KLHL20: variants seen among roughly 807,000 people sequenced by gnomAD.
KLHL20 encodes kelch-like protein 20.
KLHL20 carries 29 observed loss-of-function variants against 69.5 expected under a neutral mutation model. The observed-to-expected ratio is 0.42, with a 90% CI of 0.31 to 0.57. KLHL20 has a LOEUF of 0.57. KLHL20 is among the 20% of genes least tolerant of loss of function. The probability of loss-of-function intolerance (pLI) is 0.18; values close to 1 mark genes in which losing one functional copy is unlikely to be tolerated. For missense variants in KLHL20, 419 were observed against 776.0 expected (o/e 0.54, Z 5.47); for synonymous variants, 253 against 265.2 (o/e 0.95, Z 0.45).
intron 5 of KLHL20, among the ~76,000 whole-genome samples, chr1:173,753,787 T>G (rs565815665): frequency 6.6e-6 from 1 of 152,300 alleles, no homozygotes; most frequent in South Asian, 2.1e-4. Context: ...TCACTAAAAC[T>G]AGGTGAAGCA....
At chr1:173,764,600 T>C (rs1647560375) in intron 7 of KLHL20, among the ~76,000 whole-genome samples, 1 of 152,208 alleles carries the variant, frequency 6.6e-6, no homozygotes, top group African/African-American at 2.4e-5. Flanking sequence ...TTAGAGACTA[T>C]TATTCTAAGC....
intron 6 of KLHL20, among the ~76,000 whole-genome samples, chr1:173,756,538 A>G (rs533350621): frequency 6.6e-6 from 1 of 152,324 alleles, no homozygotes; most frequent in East Asian, 1.9e-4. Context: ...CTCAAAAAAT[A>G]AAAAATAAAA....
At chr1:173,742,582 A>T (rs879494328) in intron 3 of KLHL20, among the ~76,000 whole-genome samples, 3 of 151,854 alleles carry the variant, frequency 2.0e-5, no homozygotes, top group Admixed American at 1.3e-4. Context: ...AAAGGAAGAG[A>T]TTATTTTAAG....
At chr1:173,716,115 A>G in intron 2 of KLHL20, 49 bp downstream of exon 2, 1 of 1,578,416 alleles carries the variant, frequency 6.3e-7, no homozygotes, top group Non-Finnish European at 8.7e-7. Flanking sequence ...AAAATTCAGC[A>G]TGTAATAATT....
chr1:173,780,947 C>T (rs1003805535), intron 10 of KLHL20, among the ~76,000 whole-genome samples: 7 of 149,824 alleles, frequency 4.7e-5, no homozygotes, highest in Non-Finnish European at 8.9e-5. Flanking sequence ...ATCTGTGATC[C>T]TGCCACTGCA....
chr1:173,746,923 A>G (rs994768984), intron 3 of KLHL20, among the ~76,000 whole-genome samples: 6 of 141,854 alleles, frequency 4.2e-5, no homozygotes, highest in Non-Finnish European at 9.7e-5. Flanking sequence ...TTAGTGCTTC[A>G]TTATCATTGT....
Position 173,755,053 on chromosome 1 carries a change from C to CT in KLHL20, c.852-867dup, listed in dbSNP as rs199813765. ...TAACAAGCTATTAGGAGATCAAAGT[C>CT]TTTGTCTTTTTTTTTTTTTTTTTTG... is the stretch of plus-strand genomic sequence containing the variant. On this transcript the variant is annotated intron_variant, in intron 5 of 11. Coordinates refer to ENST00000209884, the MANE Select transcript of KLHL20 (RefSeq NM_014458.4). Among the ~76,000 whole-genome samples, 1,141 of 143,220 alleles carry CT rather than the reference C, an allele frequency of 8.0e-3. 17 individuals carry two copies. The highest frequency in any genetic ancestry group is 0.028 in the African/African-American group (1,089 of 38,346). 94.0% of individuals were successfully genotyped at this position (143,220 alleles called of 152,430 possible).
In KLHL20 at chr1:173,733,866, CCTT is replaced by C. The variant is rs1672404748; in HGVS notation, c.180_182del (p.Leu61del). On this transcript the variant is annotated inframe_deletion, in exon 3 of 12. Transcript: ENST00000209884. ...CTCGACAAACCTTGGAAGTGATTAA[CCTT>C]CTGAGAAAGCACCGGGAGCTATGTG... 1.9e-6 allele frequency: 3 copies of C among 1,614,108 alleles called. No homozygotes were observed. The highest frequency in any genetic ancestry group is 2.5e-6 in the Non-Finnish European group (3 of 1,180,038).
At chr1:173,729,371 C>T (rs6425254) in intron 2 of KLHL20, among the ~76,000 whole-genome samples, 74,267 of 152,028 alleles carry the variant, frequency 0.49, 20,615 homozygotes, top group African/African-American at 0.76. Context: ...TAACTCATTT[C>T]ACGAGGCCAG....
intron 2 of KLHL20, among the ~76,000 whole-genome samples, chr1:173,723,082 A>G (rs1671789202): frequency 6.6e-6 from 1 of 152,236 alleles, no homozygotes; most frequent in African/African-American, 2.4e-5. Flanking sequence ...TCTCAGTTCA[A>G]CAGTAGCATC....
chr1:173,730,315 G>A (rs375025863), intron 2 of KLHL20, among the ~76,000 whole-genome samples: 9,193 of 151,168 alleles, frequency 0.061, 853 homozygotes, highest in African/African-American at 0.21. Context: ...TATAGATTCA[G>A]TGCCATCCCC....
intron 3 of KLHL20, among the ~76,000 whole-genome samples, chr1:173,745,843 A>G (rs1673034487): frequency 6.6e-6 from 1 of 152,096 alleles, no homozygotes; most frequent in African/African-American, 2.4e-5. Context: ...TTTAGGATTG[A>G]GGTATAGATA....
intron 11 of KLHL20, 29 bp from the exon 12 acceptor site, chr1:173,785,133 GA>G (rs1174438276): frequency 1.9e-6 from 3 of 1,583,554 alleles, no homozygotes; most frequent in Non-Finnish European, 2.6e-6. Context: ...TTTCCAGTTA[GA>G]AAATATGATT....
Position 173,751,634 on chromosome 1 carries a change from T to A in KLHL20, c.598-130T>A, listed in dbSNP as rs914976700. 9 of 736,154 alleles carry A rather than the reference T, an allele frequency of 1.2e-5. No individual in the cohort carries two copies. The African/African-American group carries it at 1.6e-4, about 13-fold the overall frequency. 45.6% of individuals were successfully genotyped at this position (736,154 alleles called of 1,614,324 possible). A position where few individuals can be genotyped will look rare whatever the true frequency, so the allele number is the denominator to read the frequency against. ...CTTTGTTCTCTTTTCAAATTTTTCC[T>A]TTCCTCTGGTATCGTTTGAAACTTC... On this transcript the variant is annotated intron_variant, in intron 3 of 11. Transcript: ENST00000209884.
chr1:173,770,605 G>A (rs558674459), intron 8 of KLHL20, among the ~76,000 whole-genome samples: 2 of 151,112 alleles, frequency 1.3e-5, no homozygotes, highest in South Asian at 2.1e-4. Context: ...ACTTGAACCC[G>A]AGAGGTGAAG....
intron 10 of KLHL20, among the ~76,000 whole-genome samples, chr1:173,781,230 A>C (rs1019444791): frequency 6.6e-6 from 1 of 152,210 alleles, no homozygotes. Flanking sequence ...ATAGTGGGCT[A>C]AGATAGATTT....
At chr1:173,719,424 A>G (rs1173023488) in intron 2 of KLHL20, among the ~76,000 whole-genome samples, 4 of 152,064 alleles carry the variant, frequency 2.6e-5, no homozygotes, top group Admixed American at 2.6e-4. Flanking sequence ...CATCCTGGCC[A>G]AGATGGTGAA....
chr1:173,782,799 A>G (rs567527839), intron 11 of KLHL20, among the ~76,000 whole-genome samples: 17 of 152,222 alleles, frequency 1.1e-4, no homozygotes, highest in African/African-American at 2.2e-4. Context: ...TAAATCCTCA[A>G]TTGTCTAATA....
At chr1:173,746,382 C>G (rs1007997842) in intron 3 of KLHL20, among the ~76,000 whole-genome samples, 1 of 152,152 alleles carries the variant, frequency 6.6e-6, no homozygotes, top group African/African-American at 2.4e-5. Flanking sequence ...GAATTTCCCT[C>G]TGAAATCATC....
Sources: gnomAD v4.1 joint callset for allele counts (sites outside exome capture counted in the v4.1 genomes callset) on GRCh38, gnomAD v4.1.1 for gene constraint, MANE v1.5 for transcripts, NCBI Gene and HGNC (gene_info 2026-07-23, HGNC 2026-07-21) for gene names.